CLCN1: variants seen among roughly 807,000 people sequenced by gnomAD.
CLCN1 encodes chloride channel protein 1.
In CLCN1, 100 loss-of-function variants were observed where a neutral mutation model predicts 114.5. The observed-to-expected ratio is 0.87, with a 90% CI of 0.74 to 1.03. CLCN1 has a LOEUF of 1.03. Among genes scored for constraint, CLCN1 ranks in the 50% least tolerant of loss-of-function variants. CLCN1 has a pLI of 0.00. For missense variants in CLCN1, 1,188 were observed against 1,250.0 expected, an observed-to-expected ratio of 0.95 and a Z score of 0.75; for synonymous variants, 485 against 487.1, an observed-to-expected ratio of 1.00 and a Z score of 0.06.
At chr7:143,334,227 T>A (rs942857856) in intron 12 of CLCN1, among the ~76,000 whole-genome samples, 1 of 146,090 alleles carries the variant, frequency 6.8e-6, no homozygotes, top group African/African-American at 2.6e-5. Context: ...AAAAAAAAAA[T>A]TATTGATTGC....
chr7:143,316,322 C>T lies in CLCN1; in HGVS notation c.110C>T (p.Ser37Phe). ...CACTGCACCAGCTACGGACTGCCCT[C>T]TGAGAATGGGGGCCTCCAGCACAGG... ...FEHCTSYGLP[S>F]ENGGLQHRLR... The change falls in exon 1 of 23, where the codon TCT becomes TTT. Residue 37 changes from serine (S) to phenylalanine (F), a missense_variant. By Grantham distance (155) the Ser-to-Phe change is radical. Coordinates refer to ENST00000343257, the MANE Select transcript of CLCN1 (RefSeq NM_000083.3). 2 of 1,613,504 alleles carry T rather than the reference C, an allele frequency of 1.2e-6. No homozygotes were observed. The highest frequency in any genetic ancestry group is 1.7e-6 in the Non-Finnish European group (2 of 1,179,986).
chr7:143,351,853 A>G lies in CLCN1; in HGVS notation c.2855A>G (p.Glu952Gly), dbSNP rs764160133. The G allele has an allele frequency of 6.2e-7, 1 of 1,613,678 alleles. No homozygotes were observed. Among genetic ancestry groups the G allele is most frequent in the Non-Finnish European group, 8.5e-7 (1 of 1,179,620 alleles). Residue 952 changes from glutamate to glycine, a missense_variant, in exon 23 of 23, where the codon GAG (glutamate) becomes GGG (glycine). Physicochemically the swap from Glu to Gly is moderately conservative, Grantham distance 98. Transcript: ENST00000343257. ...CCAGGCAAGGTAGAGGGCGAGTTGG[A>G]GGAGCTGGAGCTGGTGGAGAGTCCA... ...LAPGKVEGEL[E>G]ELELVESPGL...
rs762200215 is a variant in CLCN1, at chr7:143,346,214, T to G, written c.2247T>G (p.Pro749=). ...CAGAAGAGCCCAATGGGCCTCTGCC[T>G]GGCCACAAACAGCAGCCGGAAGCAC... ...LSPEEPNGPL[P]GHKQQPEAPE... Residue 749 remains proline (P), a synonymous_variant, in exon 18 of 23, where the codon CCT becomes CCG. Coordinates refer to ENST00000343257, the MANE Select transcript of CLCN1 (RefSeq NM_000083.3). 3.1e-6 allele frequency: 5 copies of G among 1,613,524 alleles called. No homozygotes were observed. Among genetic ancestry groups the G allele is most frequent in the Non-Finnish European group, 3.4e-6 (4 of 1,179,786 alleles).
At position 143,332,511 on chromosome 7, in the gene CLCN1, G is replaced by A; in HGVS notation, c.1251+8G>A. On this transcript the variant is annotated splice_region_variant and intron_variant, in intron 11 of 22. Coordinates refer to ENST00000343257, the MANE Select transcript of CLCN1 (RefSeq NM_000083.3). ...CAATTCATGGCTGGAGAGGTCAGCTGTTGGTGGGGCCACATGGTAAAGAGG... is the reference window on the plus strand; with the variant it reads ...CAATTCATGGCTGGAGAGGTCAGCTATTGGTGGGGCCACATGGTAAAGAGG... The A allele has an allele frequency of 6.2e-7, 1 of 1,609,052 alleles. No individual in the cohort carries two copies. Among genetic ancestry groups the A allele is most frequent in the Non-Finnish European group, 8.5e-7 (1 of 1,175,368 alleles).
At chr7:143,325,052 T>C (rs1474142462) in intron 7 of CLCN1, among the ~76,000 whole-genome samples, 1 of 152,258 alleles carries the variant, frequency 6.6e-6, no homozygotes, top group East Asian at 1.9e-4. Flanking sequence ...AGTTTAGCTC[T>C]TTCTCCAAGT....
rs754493600 is a variant in CLCN1 at position 143,351,987 on chromosome 7, T to A, written c.*22T>A. On this transcript the variant is annotated 3_prime_UTR_variant, in exon 23 of 23. Coordinates refer to ENST00000343257, the MANE Select transcript of CLCN1 (RefSeq NM_000083.3). ...TTGACCCCCTCCCACGACCTCCTCATAAAGACCGTGGAGAGGCCCAGCCTG... is the reference window on the plus strand; with the variant it reads ...TTGACCCCCTCCCACGACCTCCTCAAAAAGACCGTGGAGAGGCCCAGCCTG... 3 of 1,612,032 alleles carry A rather than the reference T, an allele frequency of 1.9e-6. No homozygotes were observed. The highest frequency in any genetic ancestry group is 3.3e-5 in the Admixed American group (2 of 59,998).
rs1027814542 is a variant in CLCN1 at position 143,332,769 on chromosome 7, T to C, written c.1297T>C (p.Trp433Arg). ...CAGTACTTTGTTTGACAACAATACA[T>C]GGGTGAAACACGCGGGTGATCCTGA... ...AISTLFDNNT[W>R]VKHAGDPESL... The change falls in exon 12 of 23, where the codon TGG (tryptophan) becomes CGG (arginine). Residue 433 changes from tryptophan to arginine, a missense_variant. Trp to Arg is a moderately radical substitution (Grantham distance 101, BLOSUM62 -3). Coordinates refer to ENST00000343257, the MANE Select transcript of CLCN1 (RefSeq NM_000083.3). 5 of 1,614,196 alleles carry C rather than the reference T, an allele frequency of 3.1e-6. No homozygotes were observed. The highest frequency in any genetic ancestry group is 4.2e-6 in the Non-Finnish European group (5 of 1,180,032).
Position 143,345,730 on chromosome 7 carries a change from G to A in CLCN1, c.2140G>A (p.Asp714Asn), listed in dbSNP as rs1191850656. Residue 714 changes from aspartate to asparagine, a missense_variant, in exon 17 of 23, where the codon GAT becomes AAT. Asp to Asn is a conservative substitution (Grantham distance 23). Transcript: ENST00000343257. ...CGAGTCCTTCGCCTTTGTGGATGAGGATGAGGACGAAGACCTCTCTGGCAA... is the reference window on the plus strand; with the variant it reads ...CGAGTCCTTCGCCTTTGTGGATGAGAATGAGGACGAAGACCTCTCTGGCAA... Reference protein sequence around the residue: ...RPESFAFVDEDEDEDLSGKSE... With the variant: ...RPESFAFVDENEDEDLSGKSE... The A allele has an allele frequency of 1.9e-6, 3 of 1,591,052 alleles. No individual in the cohort carries two copies. Among genetic ancestry groups the A allele is most frequent in the South Asian group, 2.3e-5 (2 of 87,274 alleles).
Position 143,339,154 on chromosome 7 carries a change from C to T in CLCN1, c.1402-99C>T, listed in dbSNP as rs909887967. The T allele has an allele frequency of 6.5e-5, 56 of 863,590 alleles. No homozygotes were observed. Among genetic ancestry groups the T allele is most frequent in the Non-Finnish European group, 1.1e-4 (53 of 496,944 alleles). The allele number at this position is 863,590 out of a possible 1,614,324, so 53.5% of individuals were successfully genotyped here. On this transcript the variant is annotated intron_variant, in intron 12 of 22. Transcript: ENST00000343257. The surrounding 1 kb of genome is among the most constrained non-coding windows in gnomAD (Gnocchi z 4.1). Reference sequence around the variant, plus strand: ...TGACTTTCAGAAGGATCAGCTATCCCAGGATTTCTGCAGAAAGGAGGATAG... The same window carrying T: ...TGACTTTCAGAAGGATCAGCTATCCTAGGATTTCTGCAGAAAGGAGGATAG...
intron 16 of CLCN1, 69 bp from the exon 17 acceptor site, chr7:143,345,452 G>T: frequency 6.8e-7 from 1 of 1,468,340 alleles, no homozygotes; most frequent in African/African-American, 1.4e-5. Flanking sequence ...TTCCTTCTCA[G>T]GAGTGCGGAG....
At position 143,319,851 on chromosome 7, in the gene CLCN1, G is replaced by A. The variant is rs1391542845; in HGVS notation, c.277G>A (p.Glu93Lys). ...CAGTTCTACCGTGGACAGCAAGGAT[G>A]AGGATCACTATTCTAAATGTCAAGG... ...GSSSTVDSKD[E>K]DHYSKCQDCI... The change falls in exon 2 of 23, where the codon GAG becomes AAG. Residue 93 changes from glutamate (E) to lysine (K), a missense_variant. By Grantham distance (56) the Glu-to-Lys change is moderately conservative (BLOSUM62 1). Transcript: ENST00000343257. The A allele has an allele frequency of 1.9e-6, 3 of 1,613,916 alleles. No homozygotes were observed. The East Asian group carries it at 6.7e-5, about 36-fold the overall frequency.
chr7:143,335,564 CTG>C (rs2116858952), intron 12 of CLCN1, among the ~76,000 whole-genome samples: 1 of 151,842 alleles, frequency 6.6e-6, no homozygotes, highest in South Asian at 2.1e-4. Context: ...ATAAACATGA[CTG>C]AAACAATTTT....
chr7:143,346,197 C>A lies in CLCN1; in HGVS notation c.2230C>A (p.Pro744Thr), dbSNP rs149316679. ...TACTGCCCCTCTGTCCCCAGAAGAG[C>A]CCAATGGGCCTCTGCCTGGCCACAA... The part of the protein sequence containing the change: ...STTAPLSPEE[P>T]NGPLPGHKQQ... The change falls in exon 18 of 23, where the codon CCC (proline) becomes ACC (threonine). Residue 744 changes from proline to threonine, a missense_variant. Physicochemically the swap from Pro to Thr is conservative, Grantham distance 38. Transcript: ENST00000343257. The A allele has an allele frequency of 2.4e-4, 382 of 1,613,700 alleles. 2 individuals are homozygous for A. In the Middle Eastern group the frequency reaches 2.8e-3, roughly 12 times the overall value.
At chr7:143,318,017 C>T (rs866919808) in intron 1 of CLCN1, among the ~76,000 whole-genome samples, 3 of 152,130 alleles carry the variant, frequency 2.0e-5, no homozygotes, top group Middle Eastern at 3.2e-3. Flanking sequence ...CTGTTTTCTA[C>T]AGGTCTCAAA....
intron 11 of CLCN1, 78 bp from the exon 12 acceptor site, chr7:143,332,646 C>A (rs1174005001): frequency 6.3e-7 from 1 of 1,576,654 alleles, no homozygotes; most frequent in Non-Finnish European, 8.7e-7. Flanking sequence ...AATAATGAGG[C>A]TGGGGAATAA....
In CLCN1 at chr7:143,321,687, C is replaced by A; in HGVS notation, c.563-28C>A. 6.2e-7 allele frequency: 1 copy of A among 1,614,126 alleles called. No homozygotes were observed. On this transcript the variant is annotated intron_variant, in intron 4 of 22. Coordinates refer to ENST00000343257, the MANE Select transcript of CLCN1 (RefSeq NM_000083.3). This position sits in a 1 kb window ranked among gnomAD's most constrained non-coding sequence, Gnocchi z 4.2. ...TCTCCCTTTTCACCTTCACCTTGAC[C>A]CTGCACATAATCTTTCAACGCTTTT...
chr7:143,345,732 T>G lies in CLCN1; in HGVS notation c.2142T>G (p.Asp714Glu). 1 of 1,592,092 alleles carries G rather than the reference T, an allele frequency of 6.3e-7. No homozygotes were observed. Among genetic ancestry groups the G allele is most frequent in the Non-Finnish European group, 8.5e-7 (1 of 1,170,344 alleles). Residue 714 changes from aspartate (D) to glutamate (E), a missense_variant, in exon 17 of 23, where the codon GAT becomes GAG. Transcript: ENST00000343257. ...RPESFAFVDEDEDEDLSGKSE... is the reference protein window; with the variant it reads ...RPESFAFVDEEEDEDLSGKSE... ...AGTCCTTCGCCTTTGTGGATGAGGA[T>G]GAGGACGAAGACCTCTCTGGCAAGA...
In CLCN1 at chr7:143,334,213, GA is replaced by G. The variant is rs113218469; in HGVS notation, c.1401+1353del. Among the ~76,000 whole-genome samples the G allele has an allele frequency of 4.4e-3, 637 of 146,068 alleles. 3 individuals are homozygous for G. The highest frequency in any genetic ancestry group is 0.014 in the African/African-American group (541 of 40,014). ...GGGCGACAAGGGCAACACTCCTCAA[GA>G]AAAAAAAAAAAATTATTGATTGCCC... On this transcript the variant is annotated intron_variant, in intron 12 of 22. Coordinates refer to ENST00000343257, the MANE Select transcript of CLCN1 (RefSeq NM_000083.3).
chr7:143,351,352 A>G (rs911141123), intron 22 of CLCN1, among the ~76,000 whole-genome samples: 5 of 151,844 alleles, frequency 3.3e-5, no homozygotes, highest in Non-Finnish European at 5.9e-5. Flanking sequence ...GGAAGAGGTC[A>G]CCCAAGGGTC....
Sources: allele counts gnomAD v4.1 joint callset (sites outside exome capture counted in the v4.1 genomes callset), GRCh38; gene constraint gnomAD v4.1.1; non-coding constraint Gnocchi (gnomAD v3.1); transcripts MANE v1.5; gene names NCBI Gene and HGNC (gene_info 2026-07-23, HGNC 2026-07-21).